The following RIN2 variants were observed in gnomAD, a reference collection of about 807,000 sequenced individuals.
RIN2 encodes the protein RAB5 interacting protein 2.
In RIN2, 36 loss-of-function variants were observed where a neutral mutation model predicts 78.0. That is an observed-to-expected ratio of 0.46 (90% CI 0.35 to 0.61). The LOEUF (loss-of-function observed/expected upper bound fraction) is 0.61, where lower values mean the gene tolerates loss of function less well. Ranked by LOEUF, RIN2 falls within the 20% of genes least tolerant of loss-of-function variation. The probability of loss-of-function intolerance (pLI) is 0.00; values close to 1 mark genes in which losing one functional copy is unlikely to be tolerated. For missense variants in RIN2, 1,087 were observed against 1,159.7 expected, an observed-to-expected ratio of 0.94 and a Z score of 0.91; for synonymous variants, 466 against 466.8, an observed-to-expected ratio of 1.00 and a Z score of 0.02.
chr20:19,928,707 G>A (rs549188010), intron 3 of RIN2, among the ~76,000 whole-genome samples: 1 of 152,128 alleles, frequency 6.6e-6, no homozygotes, highest in Non-Finnish European at 1.5e-5. Context: ...GAACACCTCA[G>A]GCTTCTCAAG....
chr20:19,872,266 C>G (rs187151428), intron 2 of RIN2: 2 of 152,248 alleles, frequency 1.3e-5, no homozygotes, highest in East Asian at 1.9e-4. Flanking sequence ...TCAATTAAAC[C>G]TCTTTCCTTT....
intron 2 of RIN2, among the ~76,000 whole-genome samples, chr20:19,874,700 A>G (rs2037801461): frequency 6.6e-6 from 1 of 152,180 alleles, no homozygotes. Context: ...AATGGAGACT[A>G]AGACAGGTTA....
Position 20,000,750 on chromosome 20 carries a change from C to G in RIN2, c.2502C>G (p.Tyr834Ter). 1 of 1,614,010 alleles carries G rather than the reference C, an allele frequency of 6.2e-7. No individual in the cohort carries two copies. The highest frequency in any genetic ancestry group is 1.3e-5 in the African/African-American group (1 of 75,020). The change falls in exon 13 of 13, where the codon TAC becomes TAG. Residue 834 changes from tyrosine to a stop codon, truncating the protein, a stop_gained. Transcript: ENST00000255006. LOFTEE classifies it high-confidence loss of function. ...EKFKVGDPEE[Y>*]SLFLFVDETW... is the part of the protein sequence containing the mutation. ...TCAAGGTGGGGGACCCTGAGGAGTACAGCCTCTTTCTCTTCGTTGACGAGA... is the reference window on the plus strand; with the variant it reads ...TCAAGGTGGGGGACCCTGAGGAGTAGAGCCTCTTTCTCTTCGTTGACGAGA...
At chr20:19,892,995 CT>C (rs1198665240) in intron 3 of RIN2, among the ~76,000 whole-genome samples, 1 of 152,168 alleles carries the variant, frequency 6.6e-6, no homozygotes, top group Non-Finnish European at 1.5e-5. Flanking sequence ...GAAGCCACCC[CT>C]AACCTCATGG....
chr20:19,782,912 T>C (rs544050037), intron 1 of RIN2, among the ~76,000 whole-genome samples: 1 of 152,252 alleles, frequency 6.6e-6, no homozygotes, highest in Admixed American at 6.5e-5. Flanking sequence ...ATGCTGGCTG[T>C]CCAGCTCAGG....
intron 9 of RIN2, among the ~76,000 whole-genome samples, chr20:19,982,163 C>T (rs530342505): frequency 7.9e-5 from 12 of 152,142 alleles, no homozygotes; most frequent in Non-Finnish European, 1.3e-4. Context: ...AAGAAAGCAG[C>T]GTGCTTACGA....
rs867883288 is a variant in RIN2 at position 19,886,616 on chromosome 20, T to C, written c.-36-2950T>C. The C allele has an allele frequency of 3.9e-3, 2,377 of 609,312 alleles. 10 individuals carry two copies. The South Asian group carries it at 0.041, about 11-fold the overall frequency. 37.7% of individuals were successfully genotyped at this position (609,312 alleles called of 1,614,324 possible). A position where few individuals can be genotyped will look rare whatever the true frequency, so the allele number is the denominator to read the frequency against. On this transcript the variant is annotated intron_variant, in intron 2 of 12. Transcript: ENST00000255006. ...TGCCTTCTTCTTCTTCTTCTTCTTT[T>C]TTTTTTTTTTTTTTTGCTAGCTTTT...
intron 2 of RIN2, among the ~76,000 whole-genome samples, chr20:19,880,417 T>G (rs997767304): frequency 1.0e-4 from 13 of 127,160 alleles, no homozygotes; most frequent in Non-Finnish European, 1.6e-4. Context: ...TTTTTTTTTT[T>G]TCTGAGACAG....
chr20:19,957,503 C>T (rs1015683990), intron 5 of RIN2, among the ~76,000 whole-genome samples: 1 of 152,108 alleles, frequency 6.6e-6, no homozygotes, highest in Non-Finnish European at 1.5e-5. Flanking sequence ...ACAGTGGCAC[C>T]CTATCTCTAC....
chr20:19,876,384 G>T (rs1600677138), intron 2 of RIN2, among the ~76,000 whole-genome samples: 1 of 152,110 alleles, frequency 6.6e-6, no homozygotes. Context: ...AGATAATAAA[G>T]GGGTAGACTA....
At chr20:19,800,047 T>C (rs1051450282) in intron 2 of RIN2, among the ~76,000 whole-genome samples, 1 of 152,132 alleles carries the variant, frequency 6.6e-6, no homozygotes, top group African/African-American at 2.4e-5. Context: ...CTTTAAGCAC[T>C]TTAATGGGTT....
At chr20:19,846,198 C>A (rs1380959839) in intron 2 of RIN2, among the ~76,000 whole-genome samples, 1 of 152,122 alleles carries the variant, frequency 6.6e-6, no homozygotes, top group Non-Finnish European at 1.5e-5. Flanking sequence ...TTAGGATTGT[C>A]TTGGCTATAC....
At chr20:19,908,926 C>G (rs1193764062) in intron 3 of RIN2, among the ~76,000 whole-genome samples, 1 of 152,106 alleles carries the variant, frequency 6.6e-6, no homozygotes, top group African/African-American at 2.4e-5. Context: ...GTGCAATGGC[C>G]TGATCTCAGC....
At chr20:19,931,934 T>A (rs917848771) in intron 3 of RIN2, among the ~76,000 whole-genome samples, 1 of 152,202 alleles carries the variant, frequency 6.6e-6, no homozygotes, top group African/African-American at 2.4e-5. Context: ...GCAAGTTTAG[T>A]CTCTAAAGTA....
chr20:19,780,159 G>A (rs180732862), intron 1 of RIN2, among the ~76,000 whole-genome samples: 38 of 152,332 alleles, frequency 2.5e-4, no homozygotes, highest in Admixed American at 2.4e-3. Flanking sequence ...AATTGTTAAT[G>A]TGGGAGATAT....
At chr20:19,771,158 G>A (rs1449480039) in intron 1 of RIN2, among the ~76,000 whole-genome samples, 1 of 152,158 alleles carries the variant, frequency 6.6e-6, no homozygotes, top group Admixed American at 6.5e-5. Context: ...GGTCTGCCTG[G>A]TCAAACCATT....
At chr20:19,934,701 G>A (rs2040564092) in intron 3 of RIN2, 1 of 749,878 alleles carries the variant, frequency 1.3e-6, no homozygotes, top group Non-Finnish European at 1.6e-6. Context: ...TTCAAAGGGG[G>A]TTCCTTTGGA....
intron 1 of RIN2, among the ~76,000 whole-genome samples, chr20:19,774,129 T>C (rs2034231073): frequency 6.6e-6 from 1 of 151,974 alleles, no homozygotes; most frequent in African/African-American, 2.4e-5. Context: ...CTCTCTTTTA[T>C]CTCACAGGGA....
intron 2 of RIN2, among the ~76,000 whole-genome samples, chr20:19,862,780 G>C (rs2037384701): frequency 6.6e-6 from 1 of 152,186 alleles, no homozygotes; most frequent in African/African-American, 2.4e-5. Flanking sequence ...ACCAGGGCTG[G>C]TCTTAGTCAT....
Sources: gnomAD v4.1 joint callset for allele counts (sites outside exome capture counted in the v4.1 genomes callset) on GRCh38, gnomAD v4.1.1 for gene constraint, MANE v1.5 for transcripts, NCBI Gene and HGNC (gene_info 2026-07-23, HGNC 2026-07-21) for gene names.